NTM: variants seen among roughly 807,000 people sequenced by gnomAD.
NTM encodes neurotrimin.
A neutral mutation model predicts 42.1 loss-of-function variants in NTM; 13 were observed. The observed-to-expected ratio is 0.31, with a 90% CI of 0.20 to 0.49. The LOEUF (loss-of-function observed/expected upper bound fraction) is 0.49, where lower values mean the gene tolerates loss of function less well. NTM is among the 20% of genes least tolerant of loss of function. The pLI is 0.99. For synonymous variants in NTM, 187 were observed against 179.2 expected (o/e 1.04, Z -0.35); for missense variants, 373 against 452.8 (o/e 0.82, Z 1.60).
intron 1 of NTM, among the ~76,000 whole-genome samples, chr11:131,787,420 G>A (rs541534593): frequency 3.3e-4 from 50 of 149,654 alleles, no homozygotes; most frequent in African/African-American, 1.2e-3. Flanking sequence ...TCTCTCTGGC[G>A]CCAGGCTGGA....
chr11:131,885,541 G>T (rs982605662), intron 1 of NTM, among the ~76,000 whole-genome samples: 1 of 152,154 alleles, frequency 6.6e-6, no homozygotes, highest in African/African-American at 2.4e-5. Flanking sequence ...TCTTCCTCAG[G>T]GGCTGAGCAG....
intron 2 of NTM, among the ~76,000 whole-genome samples, chr11:131,992,624 C>G (rs2067234856): frequency 6.6e-6 from 1 of 152,134 alleles, no homozygotes; most frequent in South Asian, 2.1e-4. Context: ...CTTCTCTAAT[C>G]TACATGATGG....
chr11:131,783,777 C>G (rs898134637), intron 1 of NTM, among the ~76,000 whole-genome samples: 1 of 152,188 alleles, frequency 6.6e-6, no homozygotes, highest in African/African-American at 2.4e-5. Context: ...AAGAAGAAAA[C>G]TTAAGCAGTT....
intron 1 of NTM, among the ~76,000 whole-genome samples, chr11:131,639,971 AAATAAAT>A (rs941667473): frequency 7.0e-6 from 1 of 142,688 alleles, no homozygotes; most frequent in Admixed American, 6.9e-5. Flanking sequence ...ATAAAAATAA[AAATAAAT>A]AATAAAATAA....
intron 2 of NTM, among the ~76,000 whole-genome samples, chr11:132,089,532 T>C (rs1472783541): frequency 2.0e-5 from 3 of 152,230 alleles, no homozygotes; most frequent in Non-Finnish European, 4.4e-5. Context: ...TTGTTTCTGC[T>C]GTTAATCATC....
At chr11:131,754,430 G>A (rs1405970686) in intron 1 of NTM, among the ~76,000 whole-genome samples, 1 of 152,092 alleles carries the variant, frequency 6.6e-6, no homozygotes, top group Admixed American at 6.5e-5. Flanking sequence ...TTCGAGACCA[G>A]CCTGGCCAAC....
chr11:131,552,471 C>G (rs1267335987), intron 1 of NTM, among the ~76,000 whole-genome samples: 1 of 147,490 alleles, frequency 6.8e-6, no homozygotes, highest in East Asian at 2.0e-4. Flanking sequence ...GCCACTGCAC[C>G]TCCAGCCTGG....
chr11:131,925,202 A>G (rs1343475513), intron 2 of NTM, among the ~76,000 whole-genome samples: 1 of 152,156 alleles, frequency 6.6e-6, no homozygotes, highest in Non-Finnish European at 1.5e-5. Context: ...ATTACTCATT[A>G]ATGGCTGGAG....
intron 1 of NTM, chr11:131,540,963 C>T (rs1183934904): frequency 6.6e-6 from 1 of 152,214 alleles, no homozygotes; most frequent in South Asian, 2.1e-4. Context: ...TCAATTCATA[C>T]TTCTGTAGTT....
chr11:131,968,108 C>T (rs1218408854), intron 2 of NTM, among the ~76,000 whole-genome samples: 1 of 152,160 alleles, frequency 6.6e-6, no homozygotes, highest in Non-Finnish European at 1.5e-5. Flanking sequence ...TTAAAATCAC[C>T]TTTATACAAT....
At chr11:132,215,763 T>C (rs945822687) in intron 4 of NTM, among the ~76,000 whole-genome samples, 1 of 152,266 alleles carries the variant, frequency 6.6e-6, no homozygotes, top group Admixed American at 6.5e-5. Context: ...GCTAGCTTTT[T>C]AAAGATTCCT....
chr11:131,504,043 A>G (rs411282), intron 1 of NTM, among the ~76,000 whole-genome samples: 145,378 of 152,162 alleles, frequency 0.96, 69,572 homozygotes, highest in East Asian at 1. Flanking sequence ...AAAGGTGCTG[A>G]TCCAGCTGTC....
At chr11:132,246,337 A>G (rs939223676) in intron 4 of NTM, among the ~76,000 whole-genome samples, 2 of 152,166 alleles carry the variant, frequency 1.3e-5, no homozygotes, top group African/African-American at 2.4e-5. Context: ...AGTTCGTTCT[A>G]TATCTCTTGG....
intron 2 of NTM, among the ~76,000 whole-genome samples, chr11:131,914,397 G>T (rs1264772824): frequency 6.6e-6 from 1 of 152,078 alleles, no homozygotes; most frequent in Non-Finnish European, 1.5e-5. Context: ...CCGTGCTCTG[G>T]CCTGGAGGGC....
chr11:131,449,082 A>T (rs1431397442), intron 1 of NTM, among the ~76,000 whole-genome samples: 1 of 152,198 alleles, frequency 6.6e-6, no homozygotes, highest in Non-Finnish European at 1.5e-5. Flanking sequence ...CTCCCAGGGA[A>T]GGGGAAGAAG....
At position 131,616,651 on chromosome 11, in the gene NTM, C is replaced by G. The variant is rs561858997; in HGVS notation, c.82+245763C>G. Reference sequence around the variant, plus strand: ...AAGATGATGAGATACGGAGACAGTTCTCTTCCCCACCCGGCTCCTCTGGTG... The same window carrying G: ...AAGATGATGAGATACGGAGACAGTTGTCTTCCCCACCCGGCTCCTCTGGTG... On this transcript the variant is annotated intron_variant, in intron 1 of 8. Transcript: ENST00000683400. Among the ~76,000 whole-genome samples the G allele has an allele frequency of 7.9e-5, 12 of 152,218 alleles. No homozygotes were observed. In the South Asian group the frequency reaches 2.5e-3, roughly 32 times the overall value.
At chr11:131,390,809 T>C (rs913590812) in intron 1 of NTM, among the ~76,000 whole-genome samples, 1 of 152,166 alleles carries the variant, frequency 6.6e-6, no homozygotes, top group African/African-American at 2.4e-5. Flanking sequence ...CCTCTGACTC[T>C]GGACCTCTGA....
intron 1 of NTM, among the ~76,000 whole-genome samples, chr11:131,798,403 G>A (rs1002886465): frequency 3.9e-5 from 6 of 152,160 alleles, no homozygotes; most frequent in South Asian, 4.1e-4. Flanking sequence ...TTATGCATCT[G>A]TCCTCCCGTG....
intron 1 of NTM, among the ~76,000 whole-genome samples, chr11:131,709,753 C>T (rs1486985940): frequency 6.6e-6 from 1 of 152,082 alleles, no homozygotes; most frequent in Non-Finnish European, 1.5e-5. Context: ...AGCCATAAAC[C>T]TTGAATAAGA....
Sources: allele counts gnomAD v4.1 joint callset (sites outside exome capture counted in the v4.1 genomes callset), GRCh38; gene constraint gnomAD v4.1.1; transcripts MANE v1.5; gene names NCBI Gene and HGNC (gene_info 2026-07-23, HGNC 2026-07-21).